Variants in EML6 observed in about 807,000 individuals in gnomAD.
EML6 encodes the protein EMAP like 6.
A neutral mutation model predicts 240.1 loss-of-function variants in EML6; 154 were observed. The observed-to-expected ratio is 0.64, with a 90% CI of 0.56 to 0.73. The LOEUF (loss-of-function observed/expected upper bound fraction) is 0.73, where lower values mean the gene tolerates loss of function less well. EML6 is among the 30% of genes least tolerant of loss of function. EML6 has a pLI of 0.00. For missense variants in EML6, 2,964 were observed against 2,474.6 expected, an observed-to-expected ratio of 1.20 and a Z score of -4.20; for synonymous variants, 1,148 against 899.0, an observed-to-expected ratio of 1.28 and a Z score of -4.95.
chr2:54,880,945 GAAGA>G (rs986207932), intron 17 of EML6: 3 of 152,218 alleles, frequency 2.0e-5, no homozygotes, highest in South Asian at 2.1e-4. Flanking sequence ...AATAGAAATG[GAAGA>G]AAGAAATATT....
chr2:54,843,108 T>C (rs1043130793), intron 7 of EML6, among the ~76,000 whole-genome samples: 2 of 152,250 alleles, frequency 1.3e-5, no homozygotes, highest in African/African-American at 4.8e-5. Flanking sequence ...GTTGAACTGA[T>C]TCTTCTCTGA....
At chr2:54,849,857 T>C (rs1409291338) in intron 9 of EML6, 105 bp from the exon 10 acceptor site, 1 of 844,868 alleles carries the variant, frequency 1.2e-6, no homozygotes, top group Non-Finnish European at 1.8e-6. Context: ...TTCCTGCAGG[T>C]TTGGTTCTCT....
intron 25 of EML6, among the ~76,000 whole-genome samples, chr2:54,916,495 C>G (rs1459227231): frequency 7.7e-6 from 1 of 129,750 alleles, no homozygotes; most frequent in Non-Finnish European, 1.8e-5. Context: ...AACTAAAATA[C>G]CTTATTATTA....
intron 25 of EML6, among the ~76,000 whole-genome samples, chr2:54,915,197 G>A (rs370143794): frequency 5.9e-5 from 9 of 152,176 alleles, no homozygotes; most frequent in African/African-American, 2.2e-4. Context: ...CTTCCAGCAA[G>A]TTCGACATTT....
chr2:54,861,508 T>G (rs564613272), intron 12 of EML6, among the ~76,000 whole-genome samples: 2 of 152,302 alleles, frequency 1.3e-5, no homozygotes, highest in African/African-American at 4.8e-5. Flanking sequence ...TCAGCTTCAC[T>G]GTGAAGATAG....
At chr2:54,789,644 C>T (rs1669318915) in intron 2 of EML6, among the ~76,000 whole-genome samples, 2 of 149,762 alleles carry the variant, frequency 1.3e-5, no homozygotes, top group South Asian at 2.1e-4. Context: ...TTCTCTTCTT[C>T]TGTCATGTGC....
Position 54,921,784 on chromosome 2 carries a change from A to G in EML6, c.3675+4849A>G, listed in dbSNP as rs146310330. 5.2e-4 allele frequency among the ~76,000 whole-genome samples: 79 copies of G among 152,306 alleles called. No individual in the cohort carries two copies. In the East Asian group the frequency reaches 0.014, roughly 27 times the overall value. On this transcript the variant is annotated intron_variant, in intron 26 of 41. Coordinates refer to ENST00000356458, the MANE Select transcript of EML6 (RefSeq NM_001039753.4). The stretch of plus-strand genomic sequence containing the variant: ...CCAGAAATATATCCATATATATTAT[A>G]TAGTCCATCTTTGACAAGGATACCA...
intron 2 of EML6, among the ~76,000 whole-genome samples, chr2:54,758,073 C>G (rs899247383): frequency 4.6e-5 from 7 of 152,060 alleles, no homozygotes; most frequent in African/African-American, 1.7e-4. Flanking sequence ...ATTTTCATTT[C>G]TATGAGTTTT....
chr2:54,907,210 T>A (rs564292529), intron 24 of EML6, among the ~76,000 whole-genome samples: 2 of 152,220 alleles, frequency 1.3e-5, no homozygotes, highest in African/African-American at 4.8e-5. Flanking sequence ...TAACATCCTT[T>A]ACAAATTAAC....
At chr2:54,892,367 C>A in intron 18 of EML6, 87 bp from the exon 19 acceptor site, 1 of 788,100 alleles carries the variant, frequency 1.3e-6, no homozygotes, top group Non-Finnish European at 2.1e-6. Flanking sequence ...ATGAGAGACA[C>A]CAGGTTTCTC....
At chr2:54,893,205 G>A (rs1402806175) in intron 19 of EML6, among the ~76,000 whole-genome samples, 1 of 152,170 alleles carries the variant, frequency 6.6e-6, no homozygotes, top group Non-Finnish European at 1.5e-5. Context: ...TTGCCTTGCA[G>A]TGTCCCTCTA....
At chr2:54,951,122 C>A (rs1375210874) in intron 30 of EML6, among the ~76,000 whole-genome samples, 2 of 152,200 alleles carry the variant, frequency 1.3e-5, no homozygotes, top group East Asian at 3.8e-4. Context: ...GAAGAAATCA[C>A]AGAACTTTGC....
intron 25 of EML6, among the ~76,000 whole-genome samples, chr2:54,913,360 G>A (rs373937056): frequency 3.3e-5 from 5 of 151,496 alleles, no homozygotes; most frequent in African/African-American, 1.2e-4. Context: ...TGATCTTCCT[G>A]CCTCAGTCTC....
Position 54,859,493 on chromosome 2 carries a change from T to C in EML6, c.1658-41T>C, listed in dbSNP as rs940122775. 5 of 1,508,786 alleles carry C rather than the reference T, an allele frequency of 3.3e-6. No individual in the cohort carries two copies. In the African/African-American group the frequency reaches 7.0e-5, roughly 21 times the overall value. The allele number at this position is 1,508,786 out of a possible 1,614,324, so 93.5% of individuals were successfully genotyped here. On this transcript the variant is annotated intron_variant, in intron 11 of 41. Coordinates refer to ENST00000356458, the MANE Select transcript of EML6 (RefSeq NM_001039753.4). ...GGGTTGTTTTAAACTAATGAACTCT[T>C]CTTTTTTCATAACTAATCCTCTCAA...
chr2:54,735,784 G>A (rs113594799), intron 2 of EML6, among the ~76,000 whole-genome samples: 6 of 152,336 alleles, frequency 3.9e-5, no homozygotes, highest in African/African-American at 1.4e-4. Context: ...TTGAAAATCT[G>A]TTGAAGTGTT....
intron 2 of EML6, among the ~76,000 whole-genome samples, chr2:54,795,221 G>T (rs550363779): frequency 6.6e-6 from 1 of 152,144 alleles, no homozygotes; most frequent in African/African-American, 2.4e-5. Context: ...TTCAGCATGG[G>T]TGGGGAGGCC....
At chr2:54,800,919 C>T (rs772800227) in intron 2 of EML6, among the ~76,000 whole-genome samples, 4 of 152,160 alleles carry the variant, frequency 2.6e-5, no homozygotes, top group African/African-American at 9.7e-5. Context: ...TGGTAAATGG[C>T]AGACTCCAAT....
At chr2:54,850,346 C>A in intron 10 of EML6, 128 bp downstream of exon 10, 1 of 758,184 alleles carries the variant, frequency 1.3e-6, no homozygotes, top group Non-Finnish European at 2.1e-6. Context: ...TGCCGGAAAG[C>A]ACCCCCACCT....
chr2:54,889,790 T>C (rs1672368098), intron 17 of EML6, among the ~76,000 whole-genome samples: 1 of 152,248 alleles, frequency 6.6e-6, no homozygotes, highest in African/African-American at 2.4e-5. Context: ...TTAGTTTATA[T>C]GTTCAATACG....
Sources: gnomAD v4.1 joint callset for allele counts (sites outside exome capture counted in the v4.1 genomes callset) on GRCh38, gnomAD v4.1.1 for gene constraint, MANE v1.5 for transcripts, NCBI Gene and HGNC (gene_info 2026-07-23, HGNC 2026-07-21) for gene names.